Variants in GRID1 observed in about 807,000 individuals in gnomAD.
GRID1 encodes the protein glutamate ionotropic receptor delta type subunit 1, also known as glutamate receptor ionotropic, delta-1.
Under a neutral mutation model 98.0 loss-of-function variants are expected in GRID1, and 28 were observed. The ratio of observed to expected loss-of-function variants is 0.29; its 90% CI spans 0.21 to 0.39. The LOEUF is 0.39. Ranked by LOEUF, GRID1 falls within the 10% of genes least tolerant of loss-of-function variation. The probability of loss-of-function intolerance (pLI) is 1.00; values close to 1 mark genes in which losing one functional copy is unlikely to be tolerated. For synonymous variants in GRID1, 553 were observed against 538.5 expected (o/e 1.03, Z -0.37); for missense variants, 1,111 against 1,340.5 (o/e 0.83, Z 2.67).
chr10:85,772,702 C>A (rs1426380292), intron 8 of GRID1, among the ~76,000 whole-genome samples: 8 of 152,302 alleles, frequency 5.3e-5, no homozygotes, highest in African/African-American at 1.7e-4. Flanking sequence ...CACCTCTACG[C>A]AAATAAACTA....
chr10:85,750,990 A>G (rs906477165), intron 8 of GRID1, among the ~76,000 whole-genome samples: 1 of 152,236 alleles, frequency 6.6e-6, no homozygotes, highest in Admixed American at 6.5e-5. Flanking sequence ...GTAATTGAAT[A>G]GGAATCTTGT....
At chr10:85,988,228 G>T (rs1842636309) in intron 4 of GRID1, among the ~76,000 whole-genome samples, 1 of 152,038 alleles carries the variant, frequency 6.6e-6, no homozygotes, top group Non-Finnish European at 1.5e-5. Context: ...ATTGTTGCAG[G>T]TGTCACCCTG....
At chr10:85,778,475 T>C (rs1366011219) in intron 8 of GRID1, among the ~76,000 whole-genome samples, 12 of 152,190 alleles carry the variant, frequency 7.9e-5, no homozygotes. Flanking sequence ...GTGCTTCCCT[T>C]TTCTGCTCAT....
rs908066282 is a variant in GRID1, at chr10:86,206,756, G to A, written c.236-108C>T. 1 of 1,045,420 alleles carries A rather than the reference G, an allele frequency of 9.6e-7. No homozygotes were observed. The highest frequency in any genetic ancestry group is 1.6e-5 in the African/African-American group (1 of 63,196). 64.8% of individuals were successfully genotyped at this position (1,045,420 alleles called of 1,614,324 possible). A position where few individuals can be genotyped will look rare whatever the true frequency, so the allele number is the denominator to read the frequency against. On this transcript the variant is annotated intron_variant, in intron 2 of 15. Coordinates refer to ENST00000327946, the MANE Select transcript of GRID1 (RefSeq NM_017551.3). This position sits in a 1 kb window ranked among gnomAD's most constrained non-coding sequence, Gnocchi z 4.1. ...CAGCTCATGCCCAGGACTCCCAAGA[G>A]AGGCTGCCTCCCTCCAGGACCAAGA...
intron 2 of GRID1, among the ~76,000 whole-genome samples, chr10:86,362,464 T>C (rs1056550575): frequency 6.6e-6 from 1 of 152,134 alleles, no homozygotes; most frequent in Admixed American, 6.5e-5. Context: ...CATCTGACAA[T>C]GGACATCTGT....
intron 8 of GRID1, among the ~76,000 whole-genome samples, chr10:85,785,870 G>GCA (rs1367868718): frequency 4.0e-5 from 6 of 151,108 alleles, no homozygotes; most frequent in Admixed American, 4.0e-4. Context: ...TTAAACAAAT[G>GCA]CACACACACA....
Position 85,599,802 on chromosome 10 carries a change from A to AATATATATATATATATATAT in GRID1, c.*2470_*2471insATATATATATATATATATAT, listed in dbSNP as rs1198693547. On this transcript the variant is annotated 3_prime_UTR_variant, in exon 16 of 16. Transcript: ENST00000327946. Reference sequence around the variant, plus strand: ...GTAGAAAATTCTAAAAAAAAAAAAAAATATATATATATATATATAAACATG... The same window carrying AATATATATATATATATATAT: ...GTAGAAAATTCTAAAAAAAAAAAAAAATATATATATATATATATATATATATATATATATATATAAACATG... 1.7e-4 allele frequency: 11 copies of AATATATATATATATATATAT among 64,968 alleles called. No homozygotes were observed. The highest frequency in any genetic ancestry group is 7.5e-4 in the African/African-American group (8 of 10,730). The allele number at this position is 64,968 out of a possible 1,614,324, so 4.0% of individuals were successfully genotyped here.
chr10:85,686,884 C>A (rs1183975899), intron 12 of GRID1, among the ~76,000 whole-genome samples: 1 of 152,040 alleles, frequency 6.6e-6, no homozygotes, highest in East Asian at 1.9e-4. Context: ...AGCACTGAAT[C>A]TGTTTACACA....
intron 3 of GRID1, among the ~76,000 whole-genome samples, chr10:86,144,243 G>C (rs575890896): frequency 6.6e-6 from 1 of 152,270 alleles, no homozygotes; most frequent in South Asian, 2.1e-4. Flanking sequence ...TTCAGGGTGG[G>C]ATAGGAAAGA....
At chr10:86,182,987 G>A (rs1429437365) in intron 3 of GRID1, among the ~76,000 whole-genome samples, 2 of 152,154 alleles carry the variant, frequency 1.3e-5, no homozygotes, top group Admixed American at 6.5e-5. Context: ...AGGTAATAAT[G>A]TGCAACATAC....
intron 8 of GRID1, among the ~76,000 whole-genome samples, chr10:85,754,164 C>T (rs1001865554): frequency 1.3e-4 from 20 of 152,320 alleles, no homozygotes; most frequent in African/African-American, 4.3e-4. Context: ...AATGACTACC[C>T]AGACACTCAA....
chr10:85,885,486 A>C (rs1841103132), intron 5 of GRID1, among the ~76,000 whole-genome samples: 1 of 152,216 alleles, frequency 6.6e-6, no homozygotes, highest in Non-Finnish European at 1.5e-5. Context: ...AATGTGATGA[A>C]TTACTGATAT....
At chr10:85,678,894 A>C (rs1841175070) in intron 12 of GRID1, among the ~76,000 whole-genome samples, 1 of 152,140 alleles carries the variant, frequency 6.6e-6, no homozygotes, top group South Asian at 2.1e-4. Context: ...CATGCAACTA[A>C]ATTTTTCTCT....
chr10:85,786,802 C>T (rs547386826), intron 8 of GRID1, among the ~76,000 whole-genome samples: 48 of 152,310 alleles, frequency 3.2e-4, no homozygotes, highest in Admixed American at 3.9e-4. Flanking sequence ...AGGCAATGAA[C>T]CTGCTGCGAG....
At chr10:86,343,979 G>A (rs1011524236) in intron 2 of GRID1, among the ~76,000 whole-genome samples, 3 of 152,078 alleles carry the variant, frequency 2.0e-5, no homozygotes, top group Admixed American at 6.6e-5. Context: ...GGCCCTTGGC[G>A]TTCCATCTCT....
At chr10:86,060,916 C>A (rs1357929048) in intron 4 of GRID1, among the ~76,000 whole-genome samples, 1 of 152,154 alleles carries the variant, frequency 6.6e-6, no homozygotes, top group Admixed American at 6.5e-5. Context: ...ACAGAGCTGG[C>A]AGGCACTAGC....
At chr10:86,358,010 A>G (rs1589461785) in intron 2 of GRID1, among the ~76,000 whole-genome samples, 1 of 152,216 alleles carries the variant, frequency 6.6e-6, no homozygotes, top group South Asian at 2.1e-4. Context: ...AAGCGGCAGC[A>G]CCAACTTACA....
At chr10:86,312,546 C>G (rs964152697) in intron 2 of GRID1, among the ~76,000 whole-genome samples, 1 of 152,196 alleles carries the variant, frequency 6.6e-6, no homozygotes, top group Non-Finnish European at 1.5e-5. Flanking sequence ...ATCTTAGACC[C>G]CAAGGGCCAG....
intron 3 of GRID1, among the ~76,000 whole-genome samples, chr10:86,155,099 G>C (rs1195854345): frequency 6.6e-6 from 1 of 152,172 alleles, no homozygotes; most frequent in Admixed American, 6.5e-5. Context: ...CCTCATTATT[G>C]TTAGCCCCCT....
Sources: gnomAD v4.1 joint callset for allele counts (sites outside exome capture counted in the v4.1 genomes callset) on GRCh38, gnomAD v4.1.1 for gene constraint, Gnocchi (gnomAD v3.1) non-coding constraint, MANE v1.5 for transcripts, NCBI Gene and HGNC (gene_info 2026-07-23, HGNC 2026-07-21) for gene names.